Variants in TNFAIP8 observed in about 807,000 individuals in gnomAD.
The protein encoded by TNFAIP8 is TNF alpha induced protein 8.
In TNFAIP8, 7 loss-of-function variants were observed where a neutral mutation model predicts 13.3. That is an observed-to-expected ratio of 0.52 (90% CI 0.30 to 0.99). The LOEUF is 0.99. Ranked by LOEUF, TNFAIP8 falls within the 50% of genes least tolerant of loss-of-function variation. The pLI is 0.07. For missense variants in TNFAIP8, 258 were observed against 236.9 expected (o/e 1.09, Z -0.58); for synonymous variants, 94 against 87.6 (o/e 1.07, Z -0.41).
intron 1 of TNFAIP8, among the ~76,000 whole-genome samples, chr5:119,322,645 C>T (rs1473732883): frequency 6.6e-6 from 1 of 152,200 alleles, no homozygotes; most frequent in East Asian, 1.9e-4. Flanking sequence ...TGATTTTCCT[C>T]CCCGTTTTCT....
At chr5:119,325,390 A>G (rs907047924) in intron 1 of TNFAIP8, among the ~76,000 whole-genome samples, 1 of 152,302 alleles carries the variant, frequency 6.6e-6, no homozygotes, top group South Asian at 2.1e-4. Flanking sequence ...TGGTCTACAT[A>G]TTCTGGCCTT....
At chr5:119,282,213 A>C (rs1320547993) in intron 1 of TNFAIP8, among the ~76,000 whole-genome samples, 1 of 152,208 alleles carries the variant, frequency 6.6e-6, no homozygotes, top group Non-Finnish European at 1.5e-5. Flanking sequence ...CTTGACCCAG[A>C]ATAAGCCACT....
At chr5:119,301,414 A>C (rs932635953) in intron 1 of TNFAIP8, among the ~76,000 whole-genome samples, 1 of 152,232 alleles carries the variant, frequency 6.6e-6, no homozygotes, top group Non-Finnish European at 1.5e-5. Context: ...CAAATAAAAA[A>C]AAATCATCTC....
At chr5:119,288,495 G>A (rs905831) in intron 1 of TNFAIP8, among the ~76,000 whole-genome samples, 92,269 of 152,008 alleles carry the variant, frequency 0.61, 28,524 homozygotes, top group East Asian at 0.92. Context: ...TGAGCCACTG[G>A]AAAAAAGTTT....
intron 1 of TNFAIP8, among the ~76,000 whole-genome samples, chr5:119,312,459 C>T (rs1749759235): frequency 1.3e-5 from 2 of 151,908 alleles, no homozygotes; most frequent in South Asian, 4.1e-4. Flanking sequence ...CTTACTTTTT[C>T]ATTAGAAAAA....
rs559762473 is a variant in TNFAIP8 at position 119,334,308 on chromosome 5, C to A, written c.2-58508C>A. On this transcript the variant is annotated intron_variant, in intron 1 of 1. Transcript: ENST00000274456. ...GATTAGAATAGAGTGTTTTAAATAG[C>A]CCTTAAAGTTATATTGGTATTTATA... 3.9e-5 allele frequency among the ~76,000 whole-genome samples: 6 copies of A among 152,000 alleles called. No individual in the cohort carries two copies. In the East Asian group the frequency reaches 1.2e-3, roughly 29 times the overall value.
intron 1 of TNFAIP8, among the ~76,000 whole-genome samples, chr5:119,371,561 G>A (rs1170165696): frequency 6.6e-6 from 1 of 152,098 alleles, no homozygotes; most frequent in Non-Finnish European, 1.5e-5. Context: ...TCTCCAGTTA[G>A]GGTAGATTTA....
intron 1 of TNFAIP8, chr5:119,333,709 CAT>C (rs1750457457): frequency 8.9e-7 from 1 of 1,127,188 alleles, no homozygotes; most frequent in East Asian, 2.6e-5. Context: ...AGATGACTAA[CAT>C]AGTATTGCTG....
chr5:119,385,988 C>T (rs965725844), intron 1 of TNFAIP8, among the ~76,000 whole-genome samples: 1 of 152,188 alleles, frequency 6.6e-6, no homozygotes, highest in East Asian at 1.9e-4. Context: ...CCAGTAATAT[C>T]CCTGAGCAGT....
At chr5:119,387,804 A>G (rs1490444828) in intron 1 of TNFAIP8, among the ~76,000 whole-genome samples, 1 of 152,250 alleles carries the variant, frequency 6.6e-6, no homozygotes, top group African/African-American at 2.4e-5. Flanking sequence ...TAAGATAAGT[A>G]ATGTAAAATA....
chr5:119,356,254 C>G (rs1191120757), intron 1 of TNFAIP8, 133 bp downstream of exon 1: 1 of 749,678 alleles, frequency 1.3e-6, no homozygotes, highest in African/African-American at 1.9e-5. Context: ...CCTTCGAAGC[C>G]AAGTCGGAGC....
At chr5:119,291,709 C>CATAA (rs1561985479) in intron 1 of TNFAIP8, among the ~76,000 whole-genome samples, 1 of 152,178 alleles carries the variant, frequency 6.6e-6, no homozygotes, top group African/African-American at 2.4e-5. Context: ...CCCTCTTATG[C>CATAA]CCCTTAGTTT....
chr5:119,334,964 A>G (rs1282145759), intron 1 of TNFAIP8, among the ~76,000 whole-genome samples: 1 of 152,200 alleles, frequency 6.6e-6, no homozygotes, highest in Non-Finnish European at 1.5e-5. Flanking sequence ...TTAAGTCATA[A>G]GCATTCAAGG....
intron 1 of TNFAIP8, among the ~76,000 whole-genome samples, chr5:119,366,114 G>C (rs1324389463): frequency 1.3e-5 from 2 of 150,294 alleles, no homozygotes; most frequent in East Asian, 1.9e-4. Flanking sequence ...TGGAGAGAGA[G>C]AGGAAGGGAG....
intron 1 of TNFAIP8, among the ~76,000 whole-genome samples, chr5:119,320,998 C>A (rs536446765): frequency 1.3e-5 from 2 of 152,324 alleles, no homozygotes; most frequent in Admixed American, 1.3e-4. Context: ...GGGCGGATCA[C>A]AAGGTCAGGA....
At position 119,397,899 on chromosome 5, in the gene TNFAIP8, A is replaced by G. The variant is rs1753111674; in HGVS notation, c.*4518A>G. 2 of 152,164 alleles carry G rather than the reference A, an allele frequency of 1.3e-5. No homozygotes were observed. The allele number at this position is 152,164 out of a possible 1,614,324, so 9.4% of individuals were successfully genotyped here. A position where few individuals can be genotyped will look rare whatever the true frequency, so the allele number is the denominator to read the frequency against. ...AAACATTTTTGTGTAATATTGATTC[A>G]TTTCTGTCTCACCAAAGATGTGTTT... On this transcript the variant is annotated 3_prime_UTR_variant, in exon 2 of 2. Coordinates refer to ENST00000504771, the MANE Select transcript of TNFAIP8 (RefSeq NM_014350.4).
intron 1 of TNFAIP8, among the ~76,000 whole-genome samples, chr5:119,345,206 A>G (rs770356579): frequency 6.6e-6 from 1 of 152,220 alleles, no homozygotes; most frequent in African/African-American, 2.4e-5. Flanking sequence ...AATGGAATGT[A>G]TGTACCTGTT....
intron 1 of TNFAIP8, among the ~76,000 whole-genome samples, chr5:119,320,927 C>T (rs999629407): frequency 2.2e-4 from 33 of 152,158 alleles, no homozygotes; most frequent in African/African-American, 7.9e-4. Context: ...CTAAAAAAGA[C>T]TAGACTTGGC....
chr5:119,357,780 G>C (rs1031562406), intron 1 of TNFAIP8, among the ~76,000 whole-genome samples: 1 of 151,992 alleles, frequency 6.6e-6, no homozygotes, highest in Non-Finnish European at 1.5e-5. Context: ...GCTTTTTAAA[G>C]AAAGCCCAGA....
Sources: allele counts gnomAD v4.1 joint callset (sites outside exome capture counted in the v4.1 genomes callset), GRCh38; gene constraint gnomAD v4.1.1; transcripts MANE v1.5; gene names NCBI Gene and HGNC (gene_info 2026-07-23, HGNC 2026-07-21).